Variants in FHIP2A observed in about 807,000 individuals in gnomAD.
FHIP2A encodes the protein FHF complex subunit HOOK interacting protein 2A, also known as family with sequence similarity 160 member B1.
Under a neutral mutation model 93.5 loss-of-function variants are expected in FHIP2A, and 46 were observed. The ratio of observed to expected loss-of-function variants is 0.49; its 90% CI spans 0.39 to 0.63. The LOEUF (loss-of-function observed/expected upper bound fraction) is 0.63. Ranked by LOEUF, FHIP2A falls within the 20% of genes least tolerant of loss-of-function variation. The pLI, the probability that FHIP2A is intolerant of heterozygous loss-of-function variation, is 0.00. For synonymous variants in FHIP2A, 332 were observed against 326.5 expected, an observed-to-expected ratio of 1.02 and a Z score of -0.18; for missense variants, 769 against 909.7, an observed-to-expected ratio of 0.85 and a Z score of 1.99.
chr10:114,871,666 C>G (rs542387126), intron 16 of FHIP2A, among the ~76,000 whole-genome samples: 17 of 152,268 alleles, frequency 1.1e-4, no homozygotes, highest in Non-Finnish European at 1.9e-4. Flanking sequence ...CAGCATCTTC[C>G]ACTGTTAACC....
At chr10:114,845,913 C>T (rs1566371705) in intron 8 of FHIP2A, 100 bp from the exon 9 acceptor site, 2 of 913,294 alleles carry the variant, frequency 2.2e-6, no homozygotes, top group South Asian at 1.6e-5. Flanking sequence ...TTTTGTCTTT[C>T]CACATTAATT....
In FHIP2A at chr10:114,848,794, C is replaced by T. The variant is rs1165922805; in HGVS notation, c.1803+57C>T. On this transcript the variant is annotated intron_variant, in intron 13 of 16. Coordinates refer to ENST00000369248, the MANE Select transcript of FHIP2A (RefSeq NM_020940.4). ...ATCTAAGAATAGACACATGCACACC[C>T]CTTGTCACACTGCCCACCACCACTG... is the stretch of plus-strand genomic sequence containing the variant. The T allele has an allele frequency of 4.7e-6, 5 of 1,055,988 alleles. No homozygotes were observed. In the African/African-American group the frequency reaches 7.9e-5, roughly 17 times the overall value. 65.4% of individuals were successfully genotyped at this position (1,055,988 alleles called of 1,614,324 possible).
At position 114,846,714 on chromosome 10, in the gene FHIP2A, G is replaced by T; in HGVS notation, c.1554G>T (p.Leu518Phe). The T allele has an allele frequency of 6.2e-7, 1 of 1,600,022 alleles. No homozygotes were observed. Among genetic ancestry groups the T allele is most frequent in the Non-Finnish European group, 8.5e-7 (1 of 1,176,182 alleles). ...ATAAAGATGTGGTAGAAAATGGATT[G>T]ATAGCAGGAGCAGTGTAAGTTTCCA... ...PEDKDVVENGLIAGAVDLEED... is the reference protein window; with the variant it reads ...PEDKDVVENGFIAGAVDLEED... Residue 518 changes from leucine to phenylalanine, a missense_variant, in exon 11 of 17, where the codon TTG becomes TTT. Transcript: ENST00000369248.
At chr10:114,830,240 C>T (rs866913542) in intron 1 of FHIP2A, among the ~76,000 whole-genome samples, 3 of 137,974 alleles carry the variant, frequency 2.2e-5, no homozygotes, top group Admixed American at 1.5e-4. Flanking sequence ...AATATTGTTT[C>T]GTTTTCATTT....
At position 114,862,151 on chromosome 10, in the gene FHIP2A, TTAATA is replaced by T. The variant is rs571849443; in HGVS notation, c.*619_*623del. ...ACAATTTAATATGATAAATTCTTGA[TTAATA>T]TAATATATCTATATTTTTAAAGAAA... On this transcript the variant is annotated 3_prime_UTR_variant, in exon 17 of 17. Transcript: ENST00000369248. 385 of 903,986 alleles carry T rather than the reference TTAATA, an allele frequency of 4.3e-4. 1 individual carries two copies. The Middle Eastern group carries it at 6.3e-3, about 15-fold the overall frequency. The allele number at this position is 903,986 out of a possible 1,614,324, so 56.0% of individuals were successfully genotyped here. A position where few individuals can be genotyped will look rare whatever the true frequency, so the allele number is the denominator to read the frequency against.
chr10:114,844,597 A>C (rs931752707), intron 7 of FHIP2A, among the ~76,000 whole-genome samples: 8 of 152,082 alleles, frequency 5.3e-5, no homozygotes, highest in Non-Finnish European at 2.9e-5. Flanking sequence ...ACTGTATTGC[A>C]TTTTAGGGCA....
chr10:114,874,265 A>T (rs1468863821), intron 16 of FHIP2A, among the ~76,000 whole-genome samples: 1 of 151,904 alleles, frequency 6.6e-6, no homozygotes, highest in Non-Finnish European at 1.5e-5. Context: ...TAGATCTTTA[A>T]TTTTTTTTCC....
intron 5 of FHIP2A, among the ~76,000 whole-genome samples, chr10:114,842,108 A>G (rs903891646): frequency 6.6e-5 from 10 of 151,938 alleles, no homozygotes; most frequent in African/African-American, 2.4e-4. Context: ...CCCAGGCTGG[A>G]GTGCAGTGGC....
intron 7 of FHIP2A, 70 bp downstream of exon 7, chr10:114,844,007 ATTTT>A: frequency 7.8e-7 from 1 of 1,284,458 alleles, no homozygotes; most frequent in Non-Finnish European, 1.1e-6. Context: ...ATCCATTTCT[ATTTT>A]GCAATGGTAG....
chr10:114,885,201 C>T (rs1484425377), intron 16 of FHIP2A, among the ~76,000 whole-genome samples: 3 of 151,956 alleles, frequency 2.0e-5, no homozygotes, highest in African/African-American at 4.8e-5. Context: ...TTGAGACCAG[C>T]CTGACCAACA....
chr10:114,828,435 T>A (rs1488627299), intron 1 of FHIP2A, among the ~76,000 whole-genome samples: 1 of 152,158 alleles, frequency 6.6e-6, no homozygotes, highest in Non-Finnish European at 1.5e-5. Flanking sequence ...CTTGGAAAAA[T>A]TTAACAAATC....
rs34032569 is a variant in FHIP2A, at chr10:114,891,537, ATGTGTGTGTGTGTGTG to A, written c.2193-7932_2193-7917del. On this transcript the variant is annotated intron_variant, in intron 16 of 16. Coordinates refer to the FHIP2A transcript ENST00000369250. ...GCCACAAGGGTGAATATATATATAT[ATGTGTGTGTGTGTGTG>A]TGTGTGTGTGTGTGTGTGTGCACGC... 2.2e-5 allele frequency among the ~76,000 whole-genome samples: 3 copies of A among 137,206 alleles called. No individual in the cohort carries two copies. In the Admixed American group the frequency reaches 2.2e-4, roughly 10 times the overall value. The allele number at this position is 137,206 out of a possible 152,430, so 90.0% of individuals were successfully genotyped here.
chr10:114,861,672 A>G lies in FHIP2A; in HGVS notation c.*132A>G, dbSNP rs1566378352. 2.1e-6 allele frequency: 3 copies of G among 1,438,192 alleles called. No individual in the cohort carries two copies. Among genetic ancestry groups the G allele is most frequent in the Non-Finnish European group, 2.7e-6 (3 of 1,102,616 alleles). The allele number at this position is 1,438,192 out of a possible 1,614,324, so 89.1% of individuals were successfully genotyped here. ...GTATTGCTGTAAACTGGACAGAACC[A>G]TTAAGAACCTATTGAGTGGACATTC... On this transcript the variant is annotated 3_prime_UTR_variant, in exon 17 of 17. Transcript: ENST00000369248.
chr10:114,869,320 C>T (rs1158403944), downstream of FHIP2A, among the ~76,000 whole-genome samples: 1 of 152,030 alleles, frequency 6.6e-6, no homozygotes, highest in East Asian at 1.9e-4. Context: ...ATTATTTTTC[C>T]ATGTTTAAAG....
intron 11 of FHIP2A, 147 bp downstream of exon 11, chr10:114,846,875 C>G (rs2083704899): frequency 1.3e-6 from 1 of 789,672 alleles, no homozygotes; most frequent in African/African-American, 1.8e-5. Flanking sequence ...ATTGATACTA[C>G]CATCCTTTTA....
Position 114,880,680 on chromosome 10 carries a change from A to AACACACACACACACACACACACACACAC in FHIP2A, c.2193-18806_2193-18779dup, listed in dbSNP as rs71473073. Among the ~76,000 whole-genome samples the AACACACACACACACACACACACACACAC allele has an allele frequency of 9.0e-4, 129 of 144,130 alleles. 1 individual carries two copies. The highest frequency in any genetic ancestry group is 3.1e-3 in the African/African-American group (120 of 38,288). 94.6% of individuals were successfully genotyped at this position (144,130 alleles called of 152,430 possible). On this transcript the variant is annotated intron_variant, in intron 16 of 16. Transcript: ENST00000369250. ...GGGCAACAGAGTGAGACTCCATGTCAACACACACACACACACACACACACA... is the reference window on the plus strand; with the variant it reads ...GGGCAACAGAGTGAGACTCCATGTCAACACACACACACACACACACACACACACACACACACACACACACACACACACA...
At chr10:114,873,638 C>T (rs1230702478) in intron 16 of FHIP2A, among the ~76,000 whole-genome samples, 1 of 152,168 alleles carries the variant, frequency 6.6e-6, no homozygotes, top group Non-Finnish European at 1.5e-5. Context: ...TCAATACAAA[C>T]TCATGGATAT....
chr10:114,870,139 T>G (rs1379373564), intron 16 of FHIP2A, among the ~76,000 whole-genome samples: 2 of 152,206 alleles, frequency 1.3e-5, no homozygotes, highest in Non-Finnish European at 2.9e-5. Flanking sequence ...CCATTGTGTT[T>G]TGGCCCTTCC....
intron 16 of FHIP2A, among the ~76,000 whole-genome samples, chr10:114,878,791 AAAAGAAAG>A (rs35334845): frequency 7.4e-6 from 1 of 135,464 alleles, no homozygotes; most frequent in African/African-American, 2.8e-5. Flanking sequence ...AAAAAAAAAA[AAAAGAAAG>A]AAAGAAAGAA....
Sources: allele counts gnomAD v4.1 joint callset (sites outside exome capture counted in the v4.1 genomes callset), GRCh38; gene constraint gnomAD v4.1.1; transcripts MANE v1.5; gene names NCBI Gene and HGNC (gene_info 2026-07-23, HGNC 2026-07-21).